Variants in IQCE observed in about 807,000 individuals in gnomAD.
IQCE encodes the protein IQ motif containing E.
In IQCE, 115 loss-of-function variants were observed where a neutral mutation model predicts 96.0. That is an observed-to-expected ratio of 1.20 (90% CI 1.03 to 1.40). The LOEUF (loss-of-function observed/expected upper bound fraction) is 1.40. Among genes scored for constraint, IQCE ranks in the 40% most tolerant of loss-of-function variants. IQCE has a pLI of 0.00. For missense variants in IQCE, 1,041 were observed against 909.1 expected (o/e 1.15, Z -1.87); for synonymous variants, 412 against 371.2 (o/e 1.11, Z -1.26).
intron 1 of IQCE, among the ~76,000 whole-genome samples, chr7:2,562,843 A>G (rs1231786542): frequency 6.7e-6 from 1 of 149,078 alleles, no homozygotes; most frequent in East Asian, 2.0e-4. Flanking sequence ...TATTGCCTTG[A>G]GATCTTTCTT....
intron 18 of IQCE, 75 bp from the exon 19 acceptor site, chr7:2,604,806 C>A: frequency 1.0e-6 from 1 of 1,002,892 alleles, no homozygotes; most frequent in Non-Finnish European, 1.5e-6. Context: ...GCTCTCTCCT[C>A]GGCGCCTCCC....
At chr7:2,582,247 T>G (rs578041323) in intron 8 of IQCE, among the ~76,000 whole-genome samples, 24 of 152,226 alleles carry the variant, frequency 1.6e-4, no homozygotes, top group East Asian at 3.9e-4. Context: ...TGGGGCTGCT[T>G]CTTTTATTTA....
chr7:2,587,848 C>T lies in IQCE; in HGVS notation c.1015C>T (p.Leu339=). 3 of 1,614,098 alleles carry T rather than the reference C, an allele frequency of 1.9e-6. No homozygotes were observed. The highest frequency in any genetic ancestry group is 2.5e-6 in the Non-Finnish European group (3 of 1,179,980). The change falls in exon 13 of 22, where the codon CTG becomes TTG. Residue 339 remains leucine, a synonymous_variant. Coordinates refer to ENST00000402050, the MANE Select transcript of IQCE (RefSeq NM_152558.5). The stretch of plus-strand genomic sequence containing the variant: ...TTATGTGGAGTGGAGCAAGCCCCGG[C>T]TGCTGAGGCGCATTGTGGAGCTGGA... ...QGYVEWSKPR[L]LRRIVELEKK...
rs891913911 is a variant in IQCE, at chr7:2,569,846, C to G, written c.130+847C>G. ...CCAAGGAAAACATAATTAGGTAAAT[C>G]CCTGCACAGAAAAGAATGCATGTTA... On this transcript the variant is annotated intron_variant, in intron 3 of 21. Transcript: ENST00000402050. Among the ~76,000 whole-genome samples the G allele has an allele frequency of 3.3e-5, 5 of 152,236 alleles. No individual in the cohort carries two copies. The East Asian group carries it at 9.6e-4, about 29-fold the overall frequency.
intron 10 of IQCE, among the ~76,000 whole-genome samples, 192 bp downstream of exon 10, chr7:2,583,901 G>A: frequency 3.2e-5 from 1 of 30,838 alleles, no homozygotes; most frequent in South Asian, 1.2e-3. Flanking sequence ...GCACCGTGCT[G>A]GGCGGCGGGG....
At chr7:2,603,450 T>C (rs7780246) in intron 18 of IQCE, among the ~76,000 whole-genome samples, 28,758 of 150,898 alleles carry the variant, frequency 0.19, 3,176 homozygotes, top group East Asian at 0.45. Context: ...CAGTCAGTGG[T>C]GGGTGCCGTC....
chr7:2,582,577 C>T lies in IQCE; in HGVS notation c.631-3C>T, dbSNP rs750047804. On this transcript the variant is annotated splice_region_variant and splice_polypyrimidine_tract_variant and intron_variant, in intron 8 of 21. Transcript: ENST00000402050. ...CTGCCTGATGGGCACGTTCCCCGGG[C>T]AGGTCATTAACGGGCTGAAGCAGAG... The T allele has an allele frequency of 2.4e-5, 39 of 1,613,708 alleles. No homozygotes were observed. Among genetic ancestry groups the T allele is most frequent in the Non-Finnish European group, 3.2e-5 (38 of 1,179,848 alleles).
At chr7:2,580,456 A>G (rs1018407897) in intron 8 of IQCE, among the ~76,000 whole-genome samples, 12 of 151,912 alleles carry the variant, frequency 7.9e-5, no homozygotes, top group African/African-American at 2.9e-4. Flanking sequence ...CTAAAAATAC[A>G]AAAAAATTAG....
At chr7:2,570,190 C>T (rs976532242) in intron 3 of IQCE, among the ~76,000 whole-genome samples, 27 of 152,204 alleles carry the variant, frequency 1.8e-4, no homozygotes, top group South Asian at 1.5e-3. Flanking sequence ...GCGAGGCAGG[C>T]GATGATGTTT....
At chr7:2,590,231 C>G (rs2241795) in intron 14 of IQCE, 125 bp downstream of exon 14, 12,297 of 213,744 alleles carry the variant, frequency 0.058, 9 homozygotes, top group African/African-American at 0.085. Flanking sequence ...AGGTCCTCCC[C>G]AGGCCCCGCC....
intron 18 of IQCE, among the ~76,000 whole-genome samples, chr7:2,603,765 C>A (rs909821292): frequency 6.6e-6 from 1 of 152,122 alleles, no homozygotes; most frequent in African/African-American, 2.4e-5. Flanking sequence ...GCTCTTTTCC[C>A]ACCCTAGCTT....
chr7:2,603,485 C>T (rs1455570796), intron 18 of IQCE, among the ~76,000 whole-genome samples: 33 of 152,120 alleles, frequency 2.2e-4, no homozygotes, highest in East Asian at 1.9e-4. Flanking sequence ...CTCTCCCTGG[C>T]GCCCCCCATG....
chr7:2,563,596 T>C (rs1361842575), intron 1 of IQCE, among the ~76,000 whole-genome samples: 3 of 152,086 alleles, frequency 2.0e-5, no homozygotes, highest in Non-Finnish European at 4.4e-5. Flanking sequence ...ATGTTTCTCT[T>C]TGAGCCCTGC....
At chr7:2,607,047 C>T in intron 20 of IQCE, 77 bp from the exon 21 acceptor site, 1 of 1,335,222 alleles carries the variant, frequency 7.5e-7, no homozygotes, top group Non-Finnish European at 1.0e-6. Flanking sequence ...AAGCAAATTA[C>T]TGAGGCTGCT....
rs777335597 is a variant in IQCE, at chr7:2,593,069, A to G, written c.1292A>G (p.Glu431Gly). The change falls in exon 15 of 22, where the codon GAG (glutamate) becomes GGG (glycine). Residue 431 changes from glutamate (E) to glycine (G), a missense_variant. Transcript: ENST00000402050. ...CAGGCGAAGGCCGACCTGGAGAAGG[A>G]GCTGGAGTGCGCGAGGGAGGGCGAG... ...LLQAKADLEK[E>G]LECAREGEEE... The G allele has an allele frequency of 2.1e-5, 34 of 1,612,598 alleles. No individual in the cohort carries two copies. The highest frequency in any genetic ancestry group is 2.6e-5 in the Non-Finnish European group (31 of 1,178,904).
At chr7:2,579,039 A>C (rs1782443052) in intron 8 of IQCE, among the ~76,000 whole-genome samples, 1 of 150,420 alleles carries the variant, frequency 6.6e-6, no homozygotes, top group Non-Finnish European at 1.5e-5. Flanking sequence ...AGCCTGGGTG[A>C]CCAAAAAAAA....
chr7:2,575,800 G>A (rs1562632947), intron 6 of IQCE, among the ~76,000 whole-genome samples: 1 of 152,102 alleles, frequency 6.6e-6, no homozygotes. Context: ...GCTCAGATGA[G>A]GCAGAAAGAA....
At chr7:2,609,930 C>T (rs576411703) in intron 21 of IQCE, 114 bp from the exon 22 acceptor site, 13 of 668,322 alleles carry the variant, frequency 1.9e-5, no homozygotes, top group East Asian at 1.8e-4. Flanking sequence ...TACTGCTTCT[C>T]GGGGTGGCTG....
chr7:2,594,093 C>T (rs534659229), intron 15 of IQCE, among the ~76,000 whole-genome samples: 1 of 151,830 alleles, frequency 6.6e-6, no homozygotes, highest in Non-Finnish European at 1.5e-5. Flanking sequence ...AACCCCGTCT[C>T]TACCAAAAAT....
Sources: allele counts gnomAD v4.1 joint callset (sites outside exome capture counted in the v4.1 genomes callset), GRCh38; gene constraint gnomAD v4.1.1; transcripts MANE v1.5; gene names NCBI Gene and HGNC (gene_info 2026-07-23, HGNC 2026-07-21).